Variants in PPP1R9A observed in about 807,000 individuals in gnomAD.
PPP1R9A encodes the protein neurabin-1.
In PPP1R9A, 59 loss-of-function variants were observed where a neutral mutation model predicts 141.9. The ratio of observed to expected loss-of-function variants is 0.42; its 90% CI spans 0.34 to 0.52. PPP1R9A has a LOEUF of 0.52. Ranked by LOEUF, PPP1R9A falls within the 20% of genes least tolerant of loss-of-function variation. PPP1R9A has a pLI of 0.10. For synonymous variants in PPP1R9A, 500 were observed against 569.7 expected, an observed-to-expected ratio of 0.88 and a Z score of 1.74; for missense variants, 1,444 against 1,611.9, an observed-to-expected ratio of 0.90 and a Z score of 1.78.
intron 2 of PPP1R9A, among the ~76,000 whole-genome samples, chr7:94,971,422 A>G (rs1281799288): frequency 2.0e-5 from 3 of 152,170 alleles, no homozygotes; most frequent in Non-Finnish European, 4.4e-5. Flanking sequence ...TTTTTTCTTT[A>G]TTACCCATGG....
chr7:95,146,717 C>G (rs1355251172), intron 4 of PPP1R9A, among the ~76,000 whole-genome samples: 4 of 152,132 alleles, frequency 2.6e-5, no homozygotes, highest in Non-Finnish European at 4.4e-5. Context: ...CTGCATATAG[C>G]TAGCTAGTTT....
intron 5 of PPP1R9A, among the ~76,000 whole-genome samples, chr7:95,186,189 C>G (rs972074190): frequency 1.3e-5 from 2 of 152,110 alleles, no homozygotes; most frequent in Admixed American, 6.5e-5. Flanking sequence ...TTTGTGCCAT[C>G]TATGATTTCC....
chr7:95,139,997 A>G (rs1826359283), intron 4 of PPP1R9A, among the ~76,000 whole-genome samples: 1 of 152,180 alleles, frequency 6.6e-6, no homozygotes, highest in South Asian at 2.1e-4. Context: ...AGGCATTACT[A>G]CTTAGAGCTA....
chr7:95,257,912 A>G (rs1406153375), intron 12 of PPP1R9A, among the ~76,000 whole-genome samples: 1 of 152,058 alleles, frequency 6.6e-6, no homozygotes, highest in Non-Finnish European at 1.5e-5. Flanking sequence ...AATCCACTCT[A>G]TCATTGTTGG....
At chr7:95,105,189 A>C (rs1007069720) in intron 2 of PPP1R9A, among the ~76,000 whole-genome samples, 6 of 152,252 alleles carry the variant, frequency 3.9e-5, no homozygotes, top group African/African-American at 1.2e-4. Context: ...GAAGTGAAGG[A>C]AATAAGTTTT....
Position 95,294,424 on chromosome 7 carries a change from A to C in PPP1R9A, c.*4121A>C, listed in dbSNP as rs1585678735. ...GCTGGGACTACAGGCATGTGCCACC[A>C]CCCCCAGCCAAAACATCCATATTTT... On this transcript the variant is annotated 3_prime_UTR_variant, in exon 20 of 20. Transcript: ENST00000433360. 6.6e-6 allele frequency: 1 copy of C among 150,880 alleles called. No individual in the cohort carries two copies. The highest frequency in any genetic ancestry group is 1.5e-5 in the Non-Finnish European group (1 of 67,798). The allele number at this position is 150,880 out of a possible 1,614,324, so 9.3% of individuals were successfully genotyped here.
intron 5 of PPP1R9A, among the ~76,000 whole-genome samples, chr7:95,174,605 G>C (rs1832630639): frequency 6.6e-6 from 1 of 152,122 alleles, no homozygotes; most frequent in Non-Finnish European, 1.5e-5. Flanking sequence ...ATTGTTGATA[G>C]TGATAGTGAT....
chr7:94,955,391 C>A (rs572745275), intron 2 of PPP1R9A, among the ~76,000 whole-genome samples: 1 of 152,060 alleles, frequency 6.6e-6, no homozygotes, highest in Non-Finnish European at 1.5e-5. Context: ...ACTGTTCTTG[C>A]GACATGGATA....
chr7:95,191,753 G>A (rs1835534174), intron 5 of PPP1R9A, among the ~76,000 whole-genome samples: 1 of 151,728 alleles, frequency 6.6e-6, no homozygotes, highest in Admixed American at 6.6e-5. Flanking sequence ...ATTCTTTATA[G>A]CTAAAAGATA....
At chr7:95,263,213 T>C (rs1585525931) in intron 12 of PPP1R9A, among the ~76,000 whole-genome samples, 1 of 152,200 alleles carries the variant, frequency 6.6e-6, no homozygotes. Context: ...GAAAATATAC[T>C]AAATATATGT....
chr7:94,982,353 C>G (rs1800234291), intron 2 of PPP1R9A, among the ~76,000 whole-genome samples: 1 of 152,156 alleles, frequency 6.6e-6, no homozygotes, highest in Admixed American at 6.5e-5. Flanking sequence ...AATGGGATCA[C>G]TGGGTCAAAT....
At chr7:95,018,274 C>G (rs554068450) in intron 2 of PPP1R9A, 43 of 231,004 alleles carry the variant, frequency 1.9e-4, no homozygotes, top group Admixed American at 1.2e-3. Flanking sequence ...AACCCTTACT[C>G]AGGCCCAGAT....
chr7:95,196,138 A>G (rs1836243825), intron 5 of PPP1R9A, among the ~76,000 whole-genome samples: 1 of 152,100 alleles, frequency 6.6e-6, no homozygotes, highest in South Asian at 2.1e-4. Flanking sequence ...CAATAATAGA[A>G]AGACAACCCA....
At chr7:94,969,091 T>A (rs559579448) in intron 2 of PPP1R9A, among the ~76,000 whole-genome samples, 1 of 152,252 alleles carries the variant, frequency 6.6e-6, no homozygotes, top group South Asian at 2.1e-4. Context: ...TAGAACATGC[T>A]CCTTTAGCTT....
At chr7:95,159,332 T>C (rs570805775) in intron 4 of PPP1R9A, among the ~76,000 whole-genome samples, 2 of 152,296 alleles carry the variant, frequency 1.3e-5, no homozygotes, top group African/African-American at 4.8e-5. Flanking sequence ...TAAACGATTG[T>C]ATGTAAATTA....
At chr7:95,131,517 T>G (rs931079459) in intron 4 of PPP1R9A, among the ~76,000 whole-genome samples, 7 of 152,164 alleles carry the variant, frequency 4.6e-5, no homozygotes, top group Non-Finnish European at 1.0e-4. Flanking sequence ...AGTATGCTGT[T>G]TTGGTTACTG....
chr7:94,975,023 C>T (rs1799271936), intron 2 of PPP1R9A, among the ~76,000 whole-genome samples: 1 of 151,934 alleles, frequency 6.6e-6, no homozygotes, highest in African/African-American at 2.4e-5. Flanking sequence ...TTTTTCAGGA[C>T]CCTTAGGGAG....
At chr7:95,168,238 A>G (rs1190277878) in intron 5 of PPP1R9A, among the ~76,000 whole-genome samples, 1 of 152,186 alleles carries the variant, frequency 6.6e-6, no homozygotes, top group African/African-American at 2.4e-5. Context: ...AAACAAATTC[A>G]CACCTTTATG....
intron 12 of PPP1R9A, among the ~76,000 whole-genome samples, chr7:95,257,655 A>G (rs1563512495): frequency 1.3e-5 from 2 of 151,894 alleles, no homozygotes; most frequent in African/African-American, 2.4e-5. Flanking sequence ...TCCTAATGCT[A>G]TCCCTCCCTG....
Sources: gnomAD v4.1 joint callset for allele counts (sites outside exome capture counted in the v4.1 genomes callset) on GRCh38, gnomAD v4.1.1 for gene constraint, MANE v1.5 for transcripts, NCBI Gene and HGNC (gene_info 2026-07-23, HGNC 2026-07-21) for gene names.